JAKMIP2: variants seen among roughly 807,000 people sequenced by gnomAD.
JAKMIP2 encodes janus kinase and microtubule interacting protein 2.
In JAKMIP2, 25 loss-of-function variants were observed where a neutral mutation model predicts 115.0. The ratio of observed to expected loss-of-function variants is 0.22; its 90% CI spans 0.16 to 0.30. The LOEUF (loss-of-function observed/expected upper bound fraction) is 0.30, where lower values mean the gene tolerates loss of function less well. Ranked by LOEUF, JAKMIP2 falls within the 10% of genes least tolerant of loss-of-function variation. The pLI is 1.00. For synonymous variants in JAKMIP2, 334 were observed against 343.6 expected (o/e 0.97, Z 0.31); for missense variants, 642 against 957.6 (o/e 0.67, Z 4.35).
chr5:147,729,595 A>G (rs1008538015), intron 1 of JAKMIP2, among the ~76,000 whole-genome samples: 11 of 151,958 alleles, frequency 7.2e-5, no homozygotes, highest in African/African-American at 2.7e-4. Flanking sequence ...AACATGGTGA[A>G]ACCCCGTCTC....
chr5:147,721,582 G>A (rs1331976423), intron 1 of JAKMIP2, among the ~76,000 whole-genome samples: 1 of 152,308 alleles, frequency 6.6e-6, no homozygotes. Context: ...TCGGAAAAGC[G>A]CAGTATTCGG....
intron 19 of JAKMIP2, among the ~76,000 whole-genome samples, chr5:147,615,131 A>G (rs1756506119): frequency 6.6e-6 from 1 of 152,124 alleles, no homozygotes; most frequent in Admixed American, 6.5e-5. Context: ...AGTGATCTGT[A>G]TGTCTTTGCT....
intron 1 of JAKMIP2, among the ~76,000 whole-genome samples, chr5:147,702,684 G>GAAAGA (rs1248927569): frequency 2.9e-5 from 4 of 136,460 alleles, no homozygotes; most frequent in African/African-American, 8.8e-5. Flanking sequence ...GAAAGAGAAA[G>GAAAGA]AAAGAAAAGA....
At chr5:147,678,962 TA>T (rs774710281) in intron 1 of JAKMIP2, among the ~76,000 whole-genome samples, 998 of 63,668 alleles carry the variant, frequency 0.016, 2 homozygotes, top group South Asian at 0.029. Flanking sequence ...ACTACATTTT[TA>T]TTTATTTATT....
At chr5:147,636,546 C>T (rs1757623056) in intron 11 of JAKMIP2, 4 of 580,338 alleles carry the variant, frequency 6.9e-6, no homozygotes, top group Non-Finnish European at 1.2e-5. Flanking sequence ...TCTGGGGACT[C>T]AGAAGTGACC....
At chr5:147,749,986 T>C (rs1277648562) in intron 1 of JAKMIP2, among the ~76,000 whole-genome samples, 1 of 152,190 alleles carries the variant, frequency 6.6e-6, no homozygotes, top group Non-Finnish European at 1.5e-5. Context: ...TTAGGTTTGT[T>C]GATAGGATTA....
At chr5:147,637,764 C>CA (rs1757694007) in intron 10 of JAKMIP2, among the ~76,000 whole-genome samples, 1 of 152,032 alleles carries the variant, frequency 6.6e-6, no homozygotes, top group Admixed American at 6.6e-5. Flanking sequence ...GTCCCTAAAT[C>CA]AATTTCTCTC....
chr5:147,641,819 G>GAAACA, intron 7 of JAKMIP2, 55 bp from the exon 8 acceptor site: 1 of 1,407,236 alleles, frequency 7.1e-7, no homozygotes, highest in South Asian at 1.2e-5. Context: ...TTTCTTTATA[G>GAAACA]TTTTTTGCAA....
intron 1 of JAKMIP2, among the ~76,000 whole-genome samples, chr5:147,745,789 T>C (rs1028842956): frequency 6.6e-6 from 1 of 152,186 alleles, no homozygotes. Flanking sequence ...TGGCATTAAC[T>C]TCAATGTTTG....
intron 1 of JAKMIP2, among the ~76,000 whole-genome samples, chr5:147,703,312 G>A (rs2126892165): frequency 6.6e-6 from 1 of 152,088 alleles, no homozygotes. Context: ...CATACTGTAG[G>A]CAATTGTTAA....
chr5:147,607,355 C>A (rs1756077206), intron 20 of JAKMIP2, among the ~76,000 whole-genome samples: 1 of 152,072 alleles, frequency 6.6e-6, no homozygotes, highest in Admixed American at 6.5e-5. Context: ...TCCATCAATA[C>A]CTAGTTTATT....
chr5:147,687,028 A>G (rs990545303), intron 1 of JAKMIP2, among the ~76,000 whole-genome samples: 1 of 152,174 alleles, frequency 6.6e-6, no homozygotes, highest in African/African-American at 2.4e-5. Context: ...TATAGTAAGC[A>G]ATCTTTGATA....
At chr5:147,744,831 G>A (rs1160736798) in intron 1 of JAKMIP2, among the ~76,000 whole-genome samples, 1 of 152,010 alleles carries the variant, frequency 6.6e-6, no homozygotes, top group African/African-American at 2.4e-5. Flanking sequence ...AGGCCAAGGT[G>A]GGCAGATCAT....
intron 1 of JAKMIP2, among the ~76,000 whole-genome samples, chr5:147,688,777 C>T (rs981947023): frequency 6.6e-6 from 1 of 152,178 alleles, no homozygotes; most frequent in African/African-American, 2.4e-5. Flanking sequence ...CAAATAAGTG[C>T]TCTGTTCTAA....
chr5:147,625,562 C>T (rs550697845), intron 16 of JAKMIP2, among the ~76,000 whole-genome samples: 2 of 152,114 alleles, frequency 1.3e-5, no homozygotes, highest in Non-Finnish European at 2.9e-5. Flanking sequence ...CTTCATCTTG[C>T]TTGCTGTCCA....
rs1167398280 is a variant in JAKMIP2 at position 147,782,551 on chromosome 5, C to G, written c.-244G>C. ...AGTCGGATGCAGCCTCCGAACCCAACATCAGCAGTGGCTGCCGGTTTTTTT... is the reference window on the plus strand; with the variant it reads ...AGTCGGATGCAGCCTCCGAACCCAAGATCAGCAGTGGCTGCCGGTTTTTTT... On this transcript the variant is annotated 5_prime_UTR_variant, in exon 1 of 22. An upstream start codon of the reference 5' UTR is lost. Transcript: ENST00000616793. 2 of 1,357,674 alleles carry G rather than the reference C, an allele frequency of 1.5e-6. No homozygotes were observed. The highest frequency in any genetic ancestry group is 2.9e-5 in the African/African-American group (2 of 69,376). The allele number at this position is 1,357,674 out of a possible 1,614,324, so 84.1% of individuals were successfully genotyped here.
At position 147,633,366 on chromosome 5, in the gene JAKMIP2, T is replaced by C. The variant is rs111474152; in HGVS notation, c.1678-588A>G. 5.3e-5 allele frequency among the ~76,000 whole-genome samples: 8 copies of C among 152,320 alleles called. 2 individuals are homozygous for C. Among genetic ancestry groups the C allele is most frequent in the African/African-American group, 1.7e-4 (7 of 41,580 alleles). On this transcript the variant is annotated intron_variant, in intron 12 of 21. Transcript: ENST00000616793. ...ACACTAGAATCTAGGAACTGTGGCCTACCCAATGAACTGACTACTCCAGGA... is the reference window on the plus strand; with the variant it reads ...ACACTAGAATCTAGGAACTGTGGCCCACCCAATGAACTGACTACTCCAGGA...
At chr5:147,604,154 TC>T (rs1310659990) in intron 20 of JAKMIP2, among the ~76,000 whole-genome samples, 6 of 152,214 alleles carry the variant, frequency 3.9e-5, no homozygotes, top group African/African-American at 1.4e-4. Flanking sequence ...CTGTGGGGCT[TC>T]CTGCCAATCA....
At chr5:147,679,713 A>G (rs1453975852) in intron 1 of JAKMIP2, among the ~76,000 whole-genome samples, 1 of 152,208 alleles carries the variant, frequency 6.6e-6, no homozygotes, top group African/African-American at 2.4e-5. Context: ...ATTGAGGCTC[A>G]AAGAGGTTAA....
Sources: allele counts gnomAD v4.1 joint callset (sites outside exome capture counted in the v4.1 genomes callset), GRCh38; gene constraint gnomAD v4.1.1; transcripts MANE v1.5; gene names NCBI Gene and HGNC (gene_info 2026-07-23, HGNC 2026-07-21).